Variants in TMEFF2 observed in about 807,000 individuals in gnomAD.
TMEFF2 encodes transmembrane protein with EGF like and two follistatin like domains 2, also known as tomoregulin-2.
Under a neutral mutation model 53.8 loss-of-function variants are expected in TMEFF2, and 28 were observed. The ratio of observed to expected loss-of-function variants is 0.52; its 90% CI spans 0.39 to 0.71. TMEFF2 has a LOEUF of 0.71. Ranked by LOEUF, TMEFF2 falls within the 30% of genes least tolerant of loss-of-function variation. The probability of loss-of-function intolerance (pLI) is 0.00; values close to 1 mark genes in which losing one functional copy is unlikely to be tolerated. For synonymous variants in TMEFF2, 162 were observed against 166.3 expected (o/e 0.97, Z 0.20); for missense variants, 353 against 455.2 (o/e 0.78, Z 2.04).
intron 5 of TMEFF2, among the ~76,000 whole-genome samples, chr2:192,047,634 TTTACA>T (rs1301887549): frequency 3.3e-5 from 5 of 152,364 alleles, no homozygotes; most frequent in East Asian, 3.9e-4. Flanking sequence ...TTAATTTTAC[TTTACA>T]TTAGGGGGGC....
chr2:192,125,767 G>A (rs763815619), intron 4 of TMEFF2, among the ~76,000 whole-genome samples: 6 of 152,112 alleles, frequency 3.9e-5, no homozygotes, highest in Non-Finnish European at 7.4e-5. Flanking sequence ...AACTAACATC[G>A]CAGGAACAGA....
At chr2:192,042,726 A>G (rs138932807) in intron 5 of TMEFF2, among the ~76,000 whole-genome samples, 2 of 152,316 alleles carry the variant, frequency 1.3e-5, no homozygotes, top group East Asian at 3.9e-4. Flanking sequence ...GGTTGACTGA[A>G]ACATGGAGCA....
chr2:191,997,638 T>C (rs939028863), intron 7 of TMEFF2, among the ~76,000 whole-genome samples: 3 of 151,768 alleles, frequency 2.0e-5, no homozygotes, highest in African/African-American at 4.8e-5. Flanking sequence ...TTTCTCACTC[T>C]AGAAAAGTTA....
intron 7 of TMEFF2, among the ~76,000 whole-genome samples, chr2:191,985,723 T>C (rs1685959956): frequency 6.6e-6 from 1 of 152,234 alleles, no homozygotes; most frequent in East Asian, 1.9e-4. Context: ...CAGTAATTAT[T>C]GTGGCAAAGT....
At chr2:191,980,265 T>A (rs1685823376) in intron 7 of TMEFF2, among the ~76,000 whole-genome samples, 1 of 151,470 alleles carries the variant, frequency 6.6e-6, no homozygotes, top group Non-Finnish European at 1.5e-5. Flanking sequence ...ATGCATGGAG[T>A]GACATGGACA....
rs146749652 is a variant in TMEFF2 at position 192,129,592 on chromosome 2, T to C, written c.439+50076A>G. Reference sequence around the variant, plus strand: ...CTAAGATGAATCCAGATTTCAGAAATATTAAATATGAAAATAGTGCAGCAT... The same window carrying C: ...CTAAGATGAATCCAGATTTCAGAAACATTAAATATGAAAATAGTGCAGCAT... On this transcript the variant is annotated intron_variant, in intron 4 of 9. Coordinates refer to ENST00000272771, the MANE Select transcript of TMEFF2 (RefSeq NM_016192.4). 6.6e-3 allele frequency among the ~76,000 whole-genome samples: 1,000 copies of C among 152,286 alleles called. 12 individuals are homozygous for C. The highest frequency in any genetic ancestry group is 0.022 in the African/African-American group (912 of 41,550).
chr2:192,179,385 T>C (rs2106033619), intron 4 of TMEFF2: 1 of 348,454 alleles, frequency 2.9e-6, no homozygotes, highest in Non-Finnish European at 5.3e-6. Flanking sequence ...CTTCAGAAGT[T>C]TTTACATTAT....
chr2:192,062,999 C>T (rs978664404), intron 4 of TMEFF2, among the ~76,000 whole-genome samples: 2 of 149,182 alleles, frequency 1.3e-5, no homozygotes, highest in Non-Finnish European at 1.5e-5. Context: ...TGTTGCTATT[C>T]AATTACAAAT....
chr2:192,026,117 T>C (rs1413051376), intron 5 of TMEFF2, among the ~76,000 whole-genome samples: 1 of 152,216 alleles, frequency 6.6e-6, no homozygotes, highest in Non-Finnish European at 1.5e-5. Context: ...GCTTTCACTT[T>C]TGCTCAGTTC....
intron 4 of TMEFF2, among the ~76,000 whole-genome samples, chr2:192,134,254 C>G (rs1382922579): frequency 3.3e-5 from 5 of 152,186 alleles, no homozygotes; most frequent in Non-Finnish European, 5.9e-5. Flanking sequence ...GTTCCTGGCC[C>G]GGACTTCAAT....
At chr2:191,998,144 G>T in intron 7 of TMEFF2, 118 bp downstream of exon 7, 1 of 770,932 alleles carries the variant, frequency 1.3e-6, no homozygotes, top group Non-Finnish European at 2.0e-6. Context: ...AGCAAGAGAA[G>T]GCTAGCACAT....
chr2:192,007,584 TG>T (rs1221124270), intron 5 of TMEFF2, among the ~76,000 whole-genome samples: 4 of 152,194 alleles, frequency 2.6e-5, no homozygotes, highest in Admixed American at 6.5e-5. Context: ...CCATCCAATG[TG>T]GCTGAACACA....
At chr2:192,034,100 G>A (rs1195948174) in intron 5 of TMEFF2, among the ~76,000 whole-genome samples, 9 of 151,430 alleles carry the variant, frequency 5.9e-5, no homozygotes, top group African/African-American at 1.9e-4. Context: ...GCGTGAACCC[G>A]GGAGGCGGAG....
At chr2:192,037,679 A>T (rs4853656) in intron 5 of TMEFF2, among the ~76,000 whole-genome samples, 16,448 of 151,016 alleles carry the variant, frequency 0.11, 1,080 homozygotes, top group East Asian at 0.31. Context: ...GAGACCTCTG[A>T]GAATTTGGCA....
At chr2:192,054,942 A>C in intron 5 of TMEFF2, among the ~76,000 whole-genome samples, 1 of 152,128 alleles carries the variant, frequency 6.6e-6, no homozygotes, top group East Asian at 1.9e-4. Context: ...AACAACCAAT[A>C]ATTTTCAGCT....
chr2:192,177,016 T>C (rs917987576), intron 4 of TMEFF2: 3 of 151,240 alleles, frequency 2.0e-5, no homozygotes, highest in Middle Eastern at 3.4e-3. Flanking sequence ...AATAAGAAAT[T>C]AGAAAATAAC....
At chr2:192,160,854 C>G (rs1690615983) in intron 4 of TMEFF2, among the ~76,000 whole-genome samples, 1 of 151,972 alleles carries the variant, frequency 6.6e-6, no homozygotes, top group Non-Finnish European at 1.5e-5. Context: ...CAATAGGCAG[C>G]AGTAATGCTG....
At chr2:192,161,206 TCACCCAGG>T (rs1243440241) in intron 4 of TMEFF2, among the ~76,000 whole-genome samples, 1 of 152,142 alleles carries the variant, frequency 6.6e-6, no homozygotes, top group Non-Finnish European at 1.5e-5. Flanking sequence ...TCTTGCTCTG[TCACCCAGG>T]CTGGAGTACA....
intron 5 of TMEFF2, among the ~76,000 whole-genome samples, chr2:192,013,882 CAATA>C (rs1686690027): frequency 6.6e-6 from 1 of 152,116 alleles, no homozygotes; most frequent in African/African-American, 2.4e-5. Context: ...AATAGGCACT[CAATA>C]AATATTTGTT....
Sources: allele counts gnomAD v4.1 joint callset (sites outside exome capture counted in the v4.1 genomes callset), GRCh38; gene constraint gnomAD v4.1.1; transcripts MANE v1.5; gene names NCBI Gene and HGNC (gene_info 2026-07-23, HGNC 2026-07-21).